Variants in GDPD3 observed in about 807,000 individuals in gnomAD.
GDPD3 encodes glycerophosphodiester phosphodiesterase domain containing 3.
A neutral mutation model predicts 43.7 loss-of-function variants in GDPD3; 40 were observed. That is an observed-to-expected ratio of 0.91 (90% confidence interval 0.71 to 1.19). The LOEUF (loss-of-function observed/expected upper bound fraction) is 1.19. Ranked by LOEUF, GDPD3 falls within the 50% of genes most tolerant of loss-of-function variation. The pLI is 0.00. For synonymous variants in GDPD3, 145 were observed against 162.9 expected, an observed-to-expected ratio of 0.89 and a Z score of 0.84; for missense variants, 363 against 415.8, an observed-to-expected ratio of 0.87 and a Z score of 1.11.
Position 30,112,495 on chromosome 16 carries a change from A to G in GDPD3, c.364+28T>C. ...GGTCCAAGGAAGGCAGGCATGGCCC[A>G]GGCAGGGCTCGAAGCCCTTGCTCTC... On this transcript the variant is annotated intron_variant, in intron 4 of 9. Transcript: ENST00000406256. This position sits in a 1 kb window ranked among gnomAD's most constrained non-coding sequence, Gnocchi z 5.4. 3.1e-6 allele frequency: 5 copies of G among 1,614,074 alleles called. No individual in the cohort carries two copies. The East Asian group carries it at 1.1e-4, about 36-fold the overall frequency.
In GDPD3 at chr16:30,105,662, G is replaced by A. The variant is rs542090856; in HGVS notation, c.820-653C>T. 5.3e-5 allele frequency among the ~76,000 whole-genome samples: 8 copies of A among 150,086 alleles called. No individual in the cohort carries two copies. The East Asian group carries it at 6.0e-4, about 11-fold the overall frequency. The stretch of plus-strand genomic sequence containing the variant: ...TGGGACTACAGATGTCCGCCACCAC[G>A]CCCAGCTAATTTTTCTGTTTTTAGT... On this transcript the variant is annotated intron_variant, in intron 9 of 9. Transcript: ENST00000406256.
intron 7 of GDPD3, among the ~76,000 whole-genome samples, chr16:30,110,107 TA>T (rs1050767056): frequency 6.6e-6 from 1 of 151,996 alleles, no homozygotes; most frequent in African/African-American, 2.4e-5. Flanking sequence ...TGCTGCAAGG[TA>T]AAAGTCAACC....
chr16:30,106,329 C>G (rs949329925), intron 9 of GDPD3, among the ~76,000 whole-genome samples: 7 of 152,096 alleles, frequency 4.6e-5, no homozygotes, highest in African/African-American at 1.4e-4. Context: ...CTGAAACTGG[C>G]CAAGATGGGA....
rs767119474 is a variant in GDPD3 at position 30,112,983 on chromosome 16, C to T, written c.182+39G>A. On this transcript the variant is annotated intron_variant, in intron 2 of 9. Coordinates refer to ENST00000406256, the MANE Select transcript of GDPD3 (RefSeq NM_024307.3). The surrounding 1 kb of genome is among the most constrained non-coding windows in gnomAD (Gnocchi z 5.4). ...TGTGATGCAGTCCACGACCTGCACA[C>T]CCTCACATGGCAGCCTGGGCAGGGG... 6.3e-7 allele frequency: 1 copy of T among 1,597,866 alleles called. No individual in the cohort carries two copies. Among genetic ancestry groups the T allele is most frequent in the Non-Finnish European group, 8.6e-7 (1 of 1,166,168 alleles).
rs767988512 is a variant in GDPD3, at chr16:30,112,160, C to T, written c.545G>A (p.Ser182Asn). The change falls in exon 6 of 10, where the codon AGC becomes AAC. Residue 182 changes from serine to asparagine, a missense_variant. Transcript: ENST00000406256. This position sits in a 1 kb window ranked among gnomAD's most constrained non-coding sequence, Gnocchi z 5.4. ...AGCCTTGCATTTCTTCATGACCGAG[C>T]TCTTCTCCGAGGCCCAGATGGTGAT... The part of the protein sequence containing the change: ...NEITIWASEK[S>N]SVMKKCKAAN... 6.2e-7 allele frequency: 1 copy of T among 1,614,052 alleles called. No homozygotes were observed. The highest frequency in any genetic ancestry group is 1.7e-5 in the Admixed American group (1 of 60,014).
At chr16:30,111,344 C>T in intron 7 of GDPD3, 44 bp downstream of exon 7, 2 of 1,606,352 alleles carry the variant, frequency 1.2e-6, no homozygotes, top group Non-Finnish European at 1.7e-6. Context: ...CACGGAGACC[C>T]TAAGCAGTGG....
Position 30,112,157 on chromosome 16 carries a change from G to A in GDPD3, c.548C>T (p.Ser183Leu), listed in dbSNP as rs762498483. The A allele has an allele frequency of 6.2e-6, 10 of 1,613,836 alleles. No individual in the cohort carries two copies. Among genetic ancestry groups the A allele is most frequent in the Non-Finnish European group, 8.5e-6 (10 of 1,179,952 alleles). ...EITIWASEKS[S>L]VMKKCKAANP... ...GGCAGCCTTGCATTTCTTCATGACC[G>A]AGCTCTTCTCCGAGGCCCAGATGGT... Residue 183 changes from serine (S) to leucine (L), a missense_variant, in exon 6 of 10, where the codon TCG (serine) becomes TTG (leucine). Ser to Leu is a moderately radical substitution (Grantham distance 145, BLOSUM62 -2). Coordinates refer to ENST00000406256, the MANE Select transcript of GDPD3 (RefSeq NM_024307.3). The surrounding 1 kb of genome is among the most constrained non-coding windows in gnomAD (Gnocchi z 5.4).
intron 9 of GDPD3, among the ~76,000 whole-genome samples, chr16:30,105,748 C>T (rs1399362568): frequency 6.7e-6 from 1 of 149,680 alleles, no homozygotes; most frequent in African/African-American, 2.4e-5. Flanking sequence ...CGTGATCCAC[C>T]CGCCTCGGCC....
intron 9 of GDPD3, among the ~76,000 whole-genome samples, chr16:30,107,051 G>A (rs1329681954): frequency 6.6e-6 from 1 of 150,940 alleles, no homozygotes; most frequent in Admixed American, 6.6e-5. Flanking sequence ...CCTTTTTCCT[G>A]TTTCCCTCCC....
rs141586907 is a variant in GDPD3 at position 30,112,224 on chromosome 16, GGGA to G, written c.484-6_484-4del. The G allele has an allele frequency of 3.7e-3, 5,906 of 1,614,060 alleles. 192 individuals are homozygous for G. In the African/African-American group the frequency reaches 0.069, roughly 19 times the overall value. On this transcript the variant is annotated splice_polypyrimidine_tract_variant and splice_region_variant and intron_variant, in intron 5 of 9. Coordinates refer to ENST00000406256, the MANE Select transcript of GDPD3 (RefSeq NM_024307.3). This position sits in a 1 kb window ranked among gnomAD's most constrained non-coding sequence, Gnocchi z 5.4. ...TAGCGTCTCACCAAGCCTGCTATCT[GGGA>G]GGAGGAGAAGGAGGTGAAGGGAGAG... is the stretch of plus-strand genomic sequence containing the variant.
rs751057196 is a variant in GDPD3, at chr16:30,112,660, C to T, written c.316G>A (p.Glu106Lys). Residue 106 changes from glutamate to lysine, a missense_variant and splice_region_variant, in exon 3 of 10, where the codon GAG becomes AAG. By Grantham distance (56) the Glu-to-Lys change is moderately conservative. Transcript: ENST00000406256. The surrounding 1 kb of genome is among the most constrained non-coding windows in gnomAD (Gnocchi z 5.4). The part of the protein sequence containing the change: ...LNRDVGSLDF[E>K]DLPLYKEKLE... ...TGGGGTGTCAGGGCAGGGCCCACCT[C>T]GAAGTCCAGGCTGCCCACATCCCTG... The T allele has an allele frequency of 4.3e-6, 7 of 1,614,078 alleles. No individual in the cohort carries two copies. The highest frequency in any genetic ancestry group is 5.9e-6 in the Non-Finnish European group (7 of 1,179,996).
intron 9 of GDPD3, 97 bp from the exon 10 acceptor site, chr16:30,105,106 T>A: frequency 1.0e-6 from 1 of 979,144 alleles, no homozygotes; most frequent in Non-Finnish European, 1.5e-6. Context: ...CCAGCAGCAG[T>A]AGGCTGGAGC....
At position 30,113,399 on chromosome 16, in the gene GDPD3, T is replaced by C; in HGVS notation, c.80A>G (p.His27Arg). The change falls in exon 1 of 10, where the codon CAT (histidine) becomes CGT (arginine). Residue 27 changes from histidine (H) to arginine (R), a missense_variant. Transcript: ENST00000406256. The surrounding 1 kb of genome is among the most constrained non-coding windows in gnomAD (Gnocchi z 5.9). ...GGGAGCCCTGGGCGTGTGCAGCAGA[T>C]GAGGCCGGCGCAGGAAGAAGATGGA... ...MLSIFFLRRP[H>R]LLHTPRAPTF... is the part of the protein sequence containing the mutation. 6.2e-7 allele frequency: 1 copy of C among 1,612,372 alleles called. No homozygotes were observed. Among genetic ancestry groups the C allele is most frequent in the East Asian group, 2.2e-5 (1 of 44,814 alleles).
Position 30,112,554 on chromosome 16 carries a change from G to A in GDPD3, c.333C>T (p.Tyr111=), listed in dbSNP as rs1567351915. 2 of 1,614,156 alleles carry A rather than the reference G, an allele frequency of 1.2e-6. No individual in the cohort carries two copies. The highest frequency in any genetic ancestry group is 4.5e-5 in the East Asian group (2 of 44,890). Reference sequence around the variant, plus strand: ...AGAAGTAAACCTCCAGCTTCTCCTTGTAGAGGGGCAGGTCCTGGGGAGGAC... The same window carrying A: ...AGAAGTAAACCTCCAGCTTCTCCTTATAGAGGGGCAGGTCCTGGGGAGGAC... ...GSLDFEDLPL[Y]KEKLEVYFSP... is the part of the protein sequence containing the mutation. Residue 111 remains tyrosine, a synonymous_variant, in exon 4 of 10, where the codon TAC becomes TAT. Coordinates refer to ENST00000406256, the MANE Select transcript of GDPD3 (RefSeq NM_024307.3). This position sits in a 1 kb window ranked among gnomAD's most constrained non-coding sequence, Gnocchi z 5.4.
At chr16:30,111,243 T>C (rs1781126355) in intron 7 of GDPD3, 145 bp downstream of exon 7, 5 of 891,724 alleles carry the variant, frequency 5.6e-6, no homozygotes, top group Non-Finnish European at 8.8e-6. Flanking sequence ...TTAGTATTCA[T>C]GAATGCTGGG....
Position 30,111,453 on chromosome 16 carries a change from C to A in GDPD3, c.642G>T (p.Gly214=), listed in dbSNP as rs766331729. The change falls in exon 7 of 10, where the codon GGG becomes GGT. Residue 214 remains glycine, a synonymous_variant. Transcript: ENST00000406256. The stretch of plus-strand genomic sequence containing the variant: ...CAGGGATTGGGATGAAGGGCAGCAG[C>A]CCCAGGTAGTAGGAAAGCAGCACCC... ...GFWVLLSYYL[G]LLPFIPIPEK... is the part of the protein sequence containing the mutation. 6.2e-7 allele frequency: 1 copy of A among 1,613,918 alleles called. No homozygotes were observed. The highest frequency in any genetic ancestry group is 8.5e-7 in the Non-Finnish European group (1 of 1,179,920).
rs1216700413 is a variant in GDPD3, at chr16:30,112,578, A to G, written c.319-10T>C. On this transcript the variant is annotated splice_polypyrimidine_tract_variant and intron_variant, in intron 3 of 9. Coordinates refer to ENST00000406256, the MANE Select transcript of GDPD3 (RefSeq NM_024307.3). This position sits in a 1 kb window ranked among gnomAD's most constrained non-coding sequence, Gnocchi z 5.4. Reference sequence around the variant, plus strand: ...TGTAGAGGGGCAGGTCCTGGGGAGGACAGGAAGGATGTCACTAGAGGCCCG... The same window carrying G: ...TGTAGAGGGGCAGGTCCTGGGGAGGGCAGGAAGGATGTCACTAGAGGCCCG... The G allele has an allele frequency of 6.2e-7, 1 of 1,614,098 alleles. No homozygotes were observed. Among genetic ancestry groups the G allele is most frequent in the Non-Finnish European group, 8.5e-7 (1 of 1,179,992 alleles).
At chr16:30,109,217 C>G (rs1309098978) in intron 7 of GDPD3, among the ~76,000 whole-genome samples, 1 of 152,204 alleles carries the variant, frequency 6.6e-6, no homozygotes, top group Non-Finnish European at 1.5e-5. Context: ...CCGCTTCAGC[C>G]TCCCAAAAGT....
chr16:30,112,798 G>T lies in GDPD3; in HGVS notation c.183-5C>A, dbSNP rs1567352100. 3.1e-6 allele frequency: 5 copies of T among 1,606,942 alleles called. No homozygotes were observed. The South Asian group carries it at 5.5e-5, about 18-fold the overall frequency. ...TCCGAGCGCTGGGCCATGGAGCTGTGGGGGTGAAGGTCAGCGGGGGGCAGG... is the reference window on the plus strand; with the variant it reads ...TCCGAGCGCTGGGCCATGGAGCTGTTGGGGTGAAGGTCAGCGGGGGGCAGG... On this transcript the variant is annotated splice_region_variant and splice_polypyrimidine_tract_variant and intron_variant, in intron 2 of 9. Transcript: ENST00000406256. This position sits in a 1 kb window ranked among gnomAD's most constrained non-coding sequence, Gnocchi z 5.4.
Sources: gnomAD v4.1 joint callset for allele counts (sites outside exome capture counted in the v4.1 genomes callset) on GRCh38, gnomAD v4.1.1 for gene constraint, Gnocchi (gnomAD v3.1) non-coding constraint, MANE v1.5 for transcripts, NCBI Gene and HGNC (gene_info 2026-07-23, HGNC 2026-07-21) for gene names.